Variants in SLC36A1 observed in about 807,000 individuals in gnomAD.
The protein encoded by SLC36A1 is proton-coupled amino acid transporter 1.
A neutral mutation model predicts 47.5 loss-of-function variants in SLC36A1; 30 were observed. The observed-to-expected ratio is 0.63, with a 90% CI of 0.47 to 0.86. SLC36A1 has a LOEUF of 0.86. Ranked by LOEUF, SLC36A1 falls within the 40% of genes least tolerant of loss-of-function variation. SLC36A1 has a pLI of 0.00. For missense variants in SLC36A1, 517 were observed against 606.0 expected (o/e 0.85, Z 1.54); for synonymous variants, 255 against 249.7 (o/e 1.02, Z -0.20).
chr5:151,526,499 A>G, the SLC36A1 span, among the ~76,000 whole-genome samples: 2 of 152,198 alleles, frequency 1.3e-5, no homozygotes, highest in Admixed American at 6.5e-5. Context: ...GGCATTTAGT[A>G]TACTATAACA....
intron 7 of SLC36A1, among the ~76,000 whole-genome samples, chr5:151,468,754 A>G (rs1362004165): frequency 6.6e-6 from 1 of 152,116 alleles, no homozygotes; most frequent in Admixed American, 6.5e-5. Flanking sequence ...TAGATGGTTA[A>G]TTCATGATCA....
intron 1 of SLC36A1, among the ~76,000 whole-genome samples, chr5:151,449,224 T>G (rs976166586): frequency 1.3e-5 from 2 of 152,242 alleles, no homozygotes; most frequent in African/African-American, 4.8e-5. Flanking sequence ...ATGTCTAAGC[T>G]AAATACTAAC....
intron 1 of SLC36A1, among the ~76,000 whole-genome samples, chr5:151,441,766 G>GC (rs1422906241): frequency 3.3e-5 from 5 of 151,962 alleles, no homozygotes; most frequent in Non-Finnish European, 5.9e-5. Flanking sequence ...ATATCTTAAT[G>GC]CTTTTATTGA....
At chr5:151,422,694 C>A in the SLC36A1 span, among the ~76,000 whole-genome samples, 1 of 152,222 alleles carries the variant, frequency 6.6e-6, no homozygotes, top group Non-Finnish European at 1.5e-5. Flanking sequence ...CGCCACTACA[C>A]TTGAGTCTGG....
At chr5:151,537,348 GAAAA>G in the SLC36A1 span, among the ~76,000 whole-genome samples, 41 of 50,566 alleles carry the variant, frequency 8.1e-4, no homozygotes, top group South Asian at 4.6e-3. Context: ...GAAAAGAAAA[GAAAA>G]AAGAAGGAAG....
At chr5:151,367,535 A>T in the SLC36A1 span, among the ~76,000 whole-genome samples, 7 of 152,088 alleles carry the variant, frequency 4.6e-5, no homozygotes, top group Admixed American at 3.9e-4. Context: ...CCCTTGTTCC[A>T]TAAAAATCAC....
chr5:151,513,004 A>G, the SLC36A1 span, among the ~76,000 whole-genome samples: 25,277 of 152,230 alleles, frequency 0.17, 2,344 homozygotes, highest in Non-Finnish European at 0.2. Context: ...TCAACAGCTT[A>G]GCAGTTCTCA....
the SLC36A1 span, among the ~76,000 whole-genome samples, chr5:151,392,501 C>A: frequency 1.4e-4 from 21 of 152,220 alleles, no homozygotes; most frequent in East Asian, 3.9e-3. Context: ...GTTAGGGTGT[C>A]AATTTTAGAT....
chr5:151,515,309 G>T, the SLC36A1 span, among the ~76,000 whole-genome samples: 1 of 152,174 alleles, frequency 6.6e-6, no homozygotes, highest in Non-Finnish European at 1.5e-5. Context: ...ACCTGCTAAT[G>T]TTGGAGGGTC....
chr5:151,550,978 C>T, the SLC36A1 span: 1 of 901,158 alleles, frequency 1.1e-6, no homozygotes, highest in South Asian at 1.7e-5. Flanking sequence ...GTGCCTGGCA[C>T]TCAGCAATCA....
At chr5:151,518,368 A>ATTATTATTATT in the SLC36A1 span, among the ~76,000 whole-genome samples, 172 of 82,398 alleles carry the variant, frequency 2.1e-3, no homozygotes, top group Middle Eastern at 7.9e-3. Flanking sequence ...TAATAATAAT[A>ATTATTATTATT]ATAATAATTT....
the SLC36A1 span, chr5:151,504,064 C>G: frequency 9.8e-5 from 15 of 152,348 alleles, no homozygotes; most frequent in Admixed American, 5.2e-4. Flanking sequence ...GTTCCCCTGA[C>G]CCCAAACAGG....
At chr5:151,542,479 G>T in the SLC36A1 span, 3 of 1,614,100 alleles carry the variant, frequency 1.9e-6, no homozygotes, top group African/African-American at 1.3e-5. Context: ...TAGCTGGATG[G>T]TCTGTCCGTG....
the SLC36A1 span, among the ~76,000 whole-genome samples, chr5:151,410,616 T>C: frequency 6.9e-6 from 1 of 145,034 alleles, no homozygotes; most frequent in African/African-American, 2.5e-5. Context: ...ATATGCATGT[T>C]TGAATATTTA....
the SLC36A1 span, among the ~76,000 whole-genome samples, chr5:151,401,290 C>T: frequency 5.3e-5 from 8 of 152,112 alleles, no homozygotes; most frequent in East Asian, 1.5e-3. Flanking sequence ...GAGTCCTTTG[C>T]CCATTCCTTA....
chr5:151,514,543 T>C, the SLC36A1 span, among the ~76,000 whole-genome samples: 4 of 152,394 alleles, frequency 2.6e-5, no homozygotes, highest in South Asian at 8.3e-4. Context: ...AACGTGCAGC[T>C]TTGCTCACGA....
intron 9 of SLC36A1, among the ~76,000 whole-genome samples, chr5:151,478,301 G>A (rs7700762): frequency 0.057 from 8,697 of 152,250 alleles, 767 homozygotes; most frequent in African/African-American, 0.2. Flanking sequence ...TTTGCTTAGG[G>A]ACAGAGACCT....
At chr5:151,376,696 G>A in the SLC36A1 span, among the ~76,000 whole-genome samples, 1 of 151,904 alleles carries the variant, frequency 6.6e-6, no homozygotes, top group Non-Finnish European at 1.5e-5. Flanking sequence ...GCAATGGTGT[G>A]ATCTTGGCTC....
intron 2 of SLC36A1, among the ~76,000 whole-genome samples, chr5:151,459,557 G>A (rs1401336304): frequency 6.6e-6 from 1 of 152,184 alleles, no homozygotes; most frequent in African/African-American, 2.4e-5. Flanking sequence ...CTGGCTGTGT[G>A]GGGCTCACCA....
Sources: gnomAD v4.1 joint callset for allele counts (sites outside exome capture counted in the v4.1 genomes callset) on GRCh38, gnomAD v4.1.1 for gene constraint, MANE v1.5 for transcripts, NCBI Gene and HGNC (gene_info 2026-07-23, HGNC 2026-07-21) for gene names.